The following SDK1 variants were observed in gnomAD, a reference collection of about 807,000 sequenced individuals.
SDK1 encodes protein sidekick-1.
A neutral mutation model predicts 245.5 loss-of-function variants in SDK1; 157 were observed. The observed-to-expected ratio is 0.64, with a 90% CI of 0.56 to 0.73. SDK1 has a LOEUF of 0.73. Ranked by LOEUF, SDK1 falls within the 30% of genes least tolerant of loss-of-function variation. The pLI, the probability that SDK1 is intolerant of heterozygous loss-of-function variation, is 0.00. For missense variants in SDK1, 3,583 were observed against 3,002.3 expected, an observed-to-expected ratio of 1.19 and a Z score of -4.52; for synonymous variants, 1,647 against 1,278.5, an observed-to-expected ratio of 1.29 and a Z score of -6.15.
At position 3,619,165 on chromosome 7, in the gene SDK1, C is replaced by G. The variant is rs370227347; in HGVS notation, c.384C>G (p.Ala128=). The G allele has an allele frequency of 4.3e-6, 7 of 1,613,684 alleles. No homozygotes were observed. The highest frequency in any genetic ancestry group is 1.3e-5 in the African/African-American group (1 of 74,882). Residue 128 remains alanine (A), a synonymous_variant, in exon 2 of 45, where the codon GCC becomes GCG. Coordinates refer to ENST00000404826, the MANE Select transcript of SDK1 (RefSeq NM_152744.4). ...ACCGCCTTGTTCTCACCTGCCTTGC[C>G]GAAGGGAGCTGGCCTTTGGAGTTCA... ...EGNRLVLTCL[A]EGSWPLEFKW...
intron 1 of SDK1, among the ~76,000 whole-genome samples, chr7:3,615,212 G>A (rs1254462988): frequency 6.6e-6 from 1 of 151,598 alleles, no homozygotes; most frequent in Non-Finnish European, 1.5e-5. Context: ...TAAACAGAGT[G>A]CAAATGGCCA....
In SDK1 at chr7:3,814,517, C is replaced by T. The variant is rs958206511; in HGVS notation, c.714-6933C>T. On this transcript the variant is annotated intron_variant, in intron 4 of 44. Transcript: ENST00000404826. ...ACCATGCTGTTTTGGTTACTGTAGC[C>T]TTGTAGTATAGTTTGAAGTCAGGTA... 5.6e-4 allele frequency among the ~76,000 whole-genome samples: 85 copies of T among 151,822 alleles called. 1 individual carries two copies. The highest frequency in any genetic ancestry group is 2.0e-3 in the African/African-American group (81 of 41,268).
At chr7:3,746,306 A>G (rs762414311) in intron 4 of SDK1, among the ~76,000 whole-genome samples, 1 of 152,342 alleles carries the variant, frequency 6.6e-6, no homozygotes, top group Admixed American at 6.5e-5. Flanking sequence ...AGTCTTTTTG[A>G]TGGTACAGGG....
rs150339630 is a variant in SDK1 at position 3,565,856 on chromosome 7, C to T, written c.299-53224C>T. 4.1e-4 allele frequency among the ~76,000 whole-genome samples: 63 copies of T among 152,144 alleles called. No homozygotes were observed. The Middle Eastern group carries it at 0.01, about 25-fold the overall frequency. On this transcript the variant is annotated intron_variant, in intron 1 of 44. Coordinates refer to ENST00000404826, the MANE Select transcript of SDK1 (RefSeq NM_152744.4). ...TATTCAGTACAAATGCAATTTTTTC[C>T]GAATATTTTCCATCCACAGTTGATC...
chr7:3,505,182 C>A (rs1032020000), intron 1 of SDK1, among the ~76,000 whole-genome samples: 1 of 152,042 alleles, frequency 6.6e-6, no homozygotes, highest in African/African-American at 2.4e-5. Flanking sequence ...TAAAATATAT[C>A]TGTTTTTGTT....
chr7:4,221,157 C>T, intron 39 of SDK1, 82 bp from the exon 40 acceptor site: 3 of 1,539,844 alleles, frequency 1.9e-6, no homozygotes, highest in African/African-American at 1.4e-5. Context: ...CCGGTCTGAC[C>T]CCCCACTGTG....
intron 1 of SDK1, among the ~76,000 whole-genome samples, chr7:3,521,814 A>T (rs1399056504): frequency 3.9e-5 from 6 of 152,190 alleles, no homozygotes; most frequent in Admixed American, 3.9e-4. Context: ...ATACAGTTGT[A>T]CAAGGTTTGG....
intron 4 of SDK1, among the ~76,000 whole-genome samples, chr7:3,679,683 A>T (rs1341397186): frequency 1.3e-5 from 2 of 152,234 alleles, no homozygotes; most frequent in African/African-American, 4.8e-5. Context: ...AGGAAAGCGC[A>T]CTTTCAAACC....
Position 4,113,421 on chromosome 7 carries a change from C to G in SDK1, c.3567C>G (p.Ser1189Arg), listed in dbSNP as rs1783482742. 3 of 1,613,814 alleles carry G rather than the reference C, an allele frequency of 1.9e-6. No homozygotes were observed. Among genetic ancestry groups the G allele is most frequent in the Non-Finnish European group, 2.5e-6 (3 of 1,180,024 alleles). Residue 1189 changes from serine (S) to arginine (R), a missense_variant, in exon 24 of 45, where the codon AGC becomes AGG. Transcript: ENST00000404826. Reference sequence around the variant, plus strand: ...CGGTCCGTACTGCCAGTGAGACCAGCCTGCGGCTTCGCTGGGTGGTGAGTG... The same window carrying G: ...CGGTCCGTACTGCCAGTGAGACCAGGCTGCGGCTTCGCTGGGTGGTGAGTG... ...SVTVRTASET[S>R]LRLRWVPLPD...
chr7:4,219,788 A>ACC, intron 38 of SDK1, among the ~76,000 whole-genome samples: 1 of 150,266 alleles, frequency 6.7e-6, no homozygotes, highest in South Asian at 2.1e-4. Flanking sequence ...GAATGGCAGG[A>ACC]CCGCCCCCCT....
Position 4,011,031 on chromosome 7 carries a change from C to T in SDK1, c.2197C>T (p.Leu733=). 6.2e-7 allele frequency: 1 copy of T among 1,614,230 alleles called. No homozygotes were observed. The highest frequency in any genetic ancestry group is 8.5e-7 in the Non-Finnish European group (1 of 1,180,040). ...PEMTGVTVSG[L]TPARTYQFRV... is the part of the protein sequence containing the mutation. ...GATGACAGGCGTCACCGTGAGTGGCCTGACTCCGGCTCGTACCTATCAATT... is the reference window on the plus strand; with the variant it reads ...GATGACAGGCGTCACCGTGAGTGGCTTGACTCCGGCTCGTACCTATCAATT... The change falls in exon 15 of 45, where the codon CTG becomes TTG. Residue 733 remains leucine, a synonymous_variant. Coordinates refer to ENST00000404826, the MANE Select transcript of SDK1 (RefSeq NM_152744.4).
chr7:3,577,396 C>T (rs182881990), intron 1 of SDK1, among the ~76,000 whole-genome samples: 16 of 152,114 alleles, frequency 1.1e-4, no homozygotes, highest in African/African-American at 3.9e-4. Flanking sequence ...TCAGAGTGGC[C>T]CATGATGTCT....
intron 1 of SDK1, among the ~76,000 whole-genome samples, chr7:3,332,369 T>C (rs568154850): frequency 3.3e-5 from 5 of 152,306 alleles, no homozygotes; most frequent in East Asian, 1.9e-4. Flanking sequence ...CTTATTCCTA[T>C]TATTCTGGCA....
At chr7:3,996,869 T>C (rs1784727187) in intron 14 of SDK1, among the ~76,000 whole-genome samples, 1 of 152,262 alleles carries the variant, frequency 6.6e-6, no homozygotes, top group Non-Finnish European at 1.5e-5. Flanking sequence ...CATAGTAATG[T>C]CTCTTGTGTT....
intron 40 of SDK1, among the ~76,000 whole-genome samples, chr7:4,232,411 C>T (rs633358): frequency 0.52 from 50,887 of 97,688 alleles, 12,644 homozygotes; most frequent in African/African-American, 0.58. Context: ...TCTTTTCTTT[C>T]TTTTTTTTTT....
At chr7:3,923,276 CTTTTT>C (rs202019269) in intron 5 of SDK1, among the ~76,000 whole-genome samples, 1 of 148,712 alleles carries the variant, frequency 6.7e-6, no homozygotes, top group African/African-American at 2.5e-5. Context: ...TTATTATGGA[CTTTTT>C]TTTTTATTAT....
intron 4 of SDK1, among the ~76,000 whole-genome samples, chr7:3,722,753 G>C (rs1404783583): frequency 6.6e-6 from 1 of 152,144 alleles, no homozygotes; most frequent in Non-Finnish European, 1.5e-5. Flanking sequence ...GGGGACTCGC[G>C]CGGGTGGCTC....
Position 3,935,161 on chromosome 7 carries a change from G to T in SDK1, c.848-15762G>T, listed in dbSNP as rs1173015539. Among the ~76,000 whole-genome samples the T allele has an allele frequency of 6.6e-5, 10 of 152,310 alleles. No individual in the cohort carries two copies. The East Asian group carries it at 1.9e-3, about 29-fold the overall frequency. On this transcript the variant is annotated intron_variant, in intron 5 of 44. Coordinates refer to ENST00000404826, the MANE Select transcript of SDK1 (RefSeq NM_152744.4). Reference sequence around the variant, plus strand: ...CTGGGCCTGTTGGTGAATGGTGAGTGCCAGGGACGATGGGCAGGGCACAGG... The same window carrying T: ...CTGGGCCTGTTGGTGAATGGTGAGTTCCAGGGACGATGGGCAGGGCACAGG...
chr7:3,658,320 CT>C (rs1479048538), intron 4 of SDK1, among the ~76,000 whole-genome samples: 1 of 152,092 alleles, frequency 6.6e-6, no homozygotes, highest in Non-Finnish European at 1.5e-5. Flanking sequence ...GTGACAGCCC[CT>C]AATATCGAGG....
Sources: gnomAD v4.1 joint callset for allele counts (sites outside exome capture counted in the v4.1 genomes callset) on GRCh38, gnomAD v4.1.1 for gene constraint, MANE v1.5 for transcripts, NCBI Gene and HGNC (gene_info 2026-07-23, HGNC 2026-07-21) for gene names.